ERICH3: variants seen among roughly 807,000 people sequenced by gnomAD.
The protein encoded by ERICH3 is glutamate rich 3, also known as glutamate-rich protein 3.
Under a neutral mutation model 131.1 loss-of-function variants are expected in ERICH3, and 126 were observed. The observed-to-expected ratio is 0.96, with a 90% CI of 0.83 to 1.11. ERICH3 has a LOEUF of 1.11. Ranked by LOEUF, ERICH3 falls within the 50% of genes most tolerant of loss-of-function variation. ERICH3 has a pLI of 0.00. For missense variants in ERICH3, 2,050 were observed against 1,810.7 expected (o/e 1.13, Z -2.40); for synonymous variants, 695 against 644.6 (o/e 1.08, Z -1.18).
At chr1:74,593,765 A>C (rs1647715892) in intron 11 of ERICH3, among the ~76,000 whole-genome samples, 1 of 152,154 alleles carries the variant, frequency 6.6e-6, no homozygotes, top group Non-Finnish European at 1.5e-5. Context: ...TTTGAGATCC[A>C]GAAAGAGAGG....
chr1:74,619,430 G>A (rs1030487310), intron 8 of ERICH3, among the ~76,000 whole-genome samples: 8 of 152,200 alleles, frequency 5.3e-5, no homozygotes, highest in African/African-American at 1.9e-4. Flanking sequence ...ATCAATAGCT[G>A]AAAGTTATAC....
chr1:74,654,124 T>A (rs1646561704), intron 1 of ERICH3, among the ~76,000 whole-genome samples: 2 of 152,146 alleles, frequency 1.3e-5, no homozygotes. Context: ...TTCTGTTTAT[T>A]ATTGTTTATG....
intron 9 of ERICH3, among the ~76,000 whole-genome samples, chr1:74,609,882 T>C (rs982821326): frequency 6.6e-6 from 1 of 152,010 alleles, no homozygotes; most frequent in African/African-American, 2.4e-5. Context: ...AGTGTTGAAA[T>C]CATAGAAATA....
chr1:74,638,561 G>A lies in ERICH3; in HGVS notation c.445-2123C>T, dbSNP rs1292137648. On this transcript the variant is annotated intron_variant, in intron 5 of 14. Transcript: ENST00000326665. ...TGGGAAGAAAGCTGGTTGTGAGCAA[G>A]ACATGGGAAGAGTAGCAAAGATAAT... Among the ~76,000 whole-genome samples the A allele has an allele frequency of 1.3e-5, 2 of 152,206 alleles. 1 individual carries two copies.
chr1:74,607,734 TTTTA>T (rs1383103353), intron 9 of ERICH3, among the ~76,000 whole-genome samples: 1 of 152,008 alleles, frequency 6.6e-6, no homozygotes, highest in African/African-American at 2.4e-5. Flanking sequence ...CATTAAAACT[TTTTA>T]AATCAATTAT....
At chr1:74,623,487 G>A (rs542875156) in intron 7 of ERICH3, 2 of 152,242 alleles carry the variant, frequency 1.3e-5, no homozygotes, top group Admixed American at 6.5e-5. Context: ...CGAAGCCCTG[G>A]TGAATTCTGG....
In ERICH3 at chr1:74,579,640, T is replaced by C. The variant is rs535614848; in HGVS notation, c.2177-2704A>G. On this transcript the variant is annotated intron_variant, in intron 12 of 14. Coordinates refer to ENST00000326665, the MANE Select transcript of ERICH3 (RefSeq NM_001002912.5). ...GGTCGTTTTTTCTCAGATGTTCTTC[T>C]GAAACTGAAACTTAAAAGCAAGAAC... 4.2e-4 allele frequency: 413 copies of C among 985,326 alleles called. 1 individual carries two copies. The highest frequency in any genetic ancestry group is 1.0e-3 in the Middle Eastern group (2 of 1,936). 61.0% of individuals were successfully genotyped at this position (985,326 alleles called of 1,614,324 possible).
chr1:74,575,075 C>T (rs796838000), intron 13 of ERICH3, among the ~76,000 whole-genome samples: 9 of 151,952 alleles, frequency 5.9e-5, no homozygotes, highest in African/African-American at 1.7e-4. Context: ...GCCATCTTAC[C>T]CCCAACATCA....
In ERICH3 at chr1:74,646,889, G is replaced by GACACACACACAC. The variant is rs141577300; in HGVS notation, c.118-109_118-98dup. 197 of 247,764 alleles carry GACACACACACAC rather than the reference G, an allele frequency of 8.0e-4. 1 individual carries two copies. Among genetic ancestry groups the GACACACACACAC allele is most frequent in the Non-Finnish European group, 4.2e-4 (55 of 129,662 alleles). 15.3% of individuals were successfully genotyped at this position (247,764 alleles called of 1,614,324 possible). On this transcript the variant is annotated intron_variant, in intron 2 of 14. Coordinates refer to ENST00000326665, the MANE Select transcript of ERICH3 (RefSeq NM_001002912.5). Reference sequence around the variant, plus strand: ...GGCTGGAGGGTGGAGAAGACAGACAGACACACACACACACACACACACACA... The same window carrying GACACACACACAC: ...GGCTGGAGGGTGGAGAAGACAGACAGACACACACACACACACACACACACACACACACACACA...
intron 10 of ERICH3, among the ~76,000 whole-genome samples, chr1:74,603,945 G>T (rs1434959579): frequency 6.6e-6 from 1 of 151,786 alleles, no homozygotes; most frequent in Non-Finnish European, 1.5e-5. Context: ...CAACAATAAA[G>T]TTTGCCACAT....
chr1:74,582,208 C>T (rs1432609274), intron 12 of ERICH3, among the ~76,000 whole-genome samples: 4 of 152,098 alleles, frequency 2.6e-5, no homozygotes, highest in Admixed American at 6.6e-5. Flanking sequence ...ACGGCTCACC[C>T]CTGCTTCCAG....
chr1:74,635,210 A>G (rs1183725886), intron 6 of ERICH3, among the ~76,000 whole-genome samples: 1 of 152,140 alleles, frequency 6.6e-6, no homozygotes, highest in Non-Finnish European at 1.5e-5. Flanking sequence ...TGTCAAACTA[A>G]TTGACATAAG....
At chr1:74,600,728 T>G (rs1419864668) in intron 10 of ERICH3, among the ~76,000 whole-genome samples, 2 of 151,866 alleles carry the variant, frequency 1.3e-5, no homozygotes, top group African/African-American at 2.4e-5. Flanking sequence ...TTCCCCTTTT[T>G]CTTCCACCAA....
At chr1:74,610,807 C>G (rs888609025) in intron 9 of ERICH3, among the ~76,000 whole-genome samples, 6 of 152,058 alleles carry the variant, frequency 3.9e-5, no homozygotes, top group Non-Finnish European at 7.4e-5. Context: ...GCCATGATCA[C>G]CAGTAACCAA....
At chr1:74,599,183 T>C (rs892886755) in intron 11 of ERICH3, among the ~76,000 whole-genome samples, 1 of 151,996 alleles carries the variant, frequency 6.6e-6, no homozygotes, top group African/African-American at 2.4e-5. Context: ...ATTTGTTACA[T>C]TTTCAATGTA....
rs1648758150 is a variant in ERICH3 at position 74,612,714 on chromosome 1, A to G, written c.1096T>C (p.Cys366Arg). Residue 366 changes from cysteine (C) to arginine (R), a missense_variant, in exon 9 of 15, where the codon TGT (cysteine) becomes CGT (arginine). Coordinates refer to ENST00000326665, the MANE Select transcript of ERICH3 (RefSeq NM_001002912.5). ...GAACCTTTCCGATGCTTGTATTCAC[A>G]ACAGGAGCTTAACCTGTTCACCTGC... is the stretch of plus-strand genomic sequence containing the variant. ...GMQVNRLSSC[C>R]EYKHRKGSRL... is the part of the protein sequence containing the mutation. The G allele has an allele frequency of 6.2e-7, 1 of 1,607,720 alleles. No homozygotes were observed.
At chr1:74,661,995 CA>C (rs1317969435) in intron 1 of ERICH3, among the ~76,000 whole-genome samples, 1 of 152,154 alleles carries the variant, frequency 6.6e-6, no homozygotes, top group Non-Finnish European at 1.5e-5. Context: ...GCGTTTCAGA[CA>C]GTTGGAATTT....
rs568260583 is a variant in ERICH3, at chr1:74,673,632, C to A, written c.-113G>T. The A allele has an allele frequency of 1.6e-6, 2 of 1,222,568 alleles. No homozygotes were observed. Among genetic ancestry groups the A allele is most frequent in the South Asian group, 1.5e-5 (1 of 64,544 alleles). 75.7% of individuals were successfully genotyped at this position (1,222,568 alleles called of 1,614,324 possible). A position where few individuals can be genotyped will look rare whatever the true frequency, so the allele number is the denominator to read the frequency against. On this transcript the variant is annotated 5_prime_UTR_variant, in exon 1 of 15. Transcript: ENST00000326665. ...TCGAGGGGTGGCTCCGCACCGAGGT[C>A]CCCTGTGCGCGGGCACCTGGGCTGG...
In ERICH3 at chr1:74,573,266, G is replaced by C. The variant is rs751856139; in HGVS notation, c.2444C>G (p.Thr815Arg). ...TTCTGCCAATTCTGGCTGCTCTGCT[G>C]TTGGCTTCCACGCCCTCAAGGGAGC... ...HEAPLRAWKP[T>R]AEQPELAEEF... Residue 815 changes from threonine (T) to arginine (R), a missense_variant, in exon 14 of 15, where the codon ACA (threonine) becomes AGA (arginine). Physicochemically the swap from Thr to Arg is moderately conservative, Grantham distance 71 (BLOSUM62 -1). Transcript: ENST00000326665. The C allele has an allele frequency of 6.9e-6, 11 of 1,599,720 alleles. No homozygotes were observed. Among genetic ancestry groups the C allele is most frequent in the Non-Finnish European group, 9.4e-6 (11 of 1,174,206 alleles).
Sources: gnomAD v4.1 joint callset for allele counts (sites outside exome capture counted in the v4.1 genomes callset) on GRCh38, gnomAD v4.1.1 for gene constraint, MANE v1.5 for transcripts, NCBI Gene and HGNC (gene_info 2026-07-23, HGNC 2026-07-21) for gene names.